The following GALNTL6 variants were observed in gnomAD, a reference collection of about 807,000 sequenced individuals.
GALNTL6 encodes polypeptide N-acetylgalactosaminyltransferase like 6.
Under a neutral mutation model 73.7 loss-of-function variants are expected in GALNTL6, and 46 were observed. That is an observed-to-expected ratio of 0.62 (90% CI 0.49 to 0.80). The LOEUF is 0.80. GALNTL6 is among the 30% of genes least tolerant of loss of function. The pLI, the probability that GALNTL6 is intolerant of heterozygous loss-of-function variation, is 0.00. For missense variants in GALNTL6, 604 were observed against 755.0 expected (o/e 0.80, Z 2.34); for synonymous variants, 259 against 263.7 (o/e 0.98, Z 0.17).
intron 5 of GALNTL6, among the ~76,000 whole-genome samples, chr4:172,493,654 C>T (rs1011762991): frequency 5.9e-5 from 9 of 152,168 alleles, no homozygotes; most frequent in African/African-American, 2.2e-4. Context: ...TCTCTAACCT[C>T]TTCTCAGAGG....
At chr4:172,040,307 A>T (rs1252709250) in intron 2 of GALNTL6, among the ~76,000 whole-genome samples, 2 of 152,126 alleles carry the variant, frequency 1.3e-5, no homozygotes, top group Non-Finnish European at 2.9e-5. Flanking sequence ...ATTTTTCTCA[A>T]CTATTCTAAT....
intron 5 of GALNTL6, among the ~76,000 whole-genome samples, chr4:172,645,372 T>C (rs1740191624): frequency 6.6e-6 from 1 of 152,048 alleles, no homozygotes; most frequent in African/African-American, 2.4e-5. Flanking sequence ...TTTTTGTATA[T>C]GGTATAAAGT....
chr4:172,860,354 G>A (rs989672174), intron 7 of GALNTL6, among the ~76,000 whole-genome samples: 2 of 152,124 alleles, frequency 1.3e-5, no homozygotes, highest in Non-Finnish European at 2.9e-5. Flanking sequence ...TAAGAAAATT[G>A]AGTGCAAGCA....
At chr4:172,175,944 A>G (rs1734975894) in intron 2 of GALNTL6, among the ~76,000 whole-genome samples, 1 of 152,184 alleles carries the variant, frequency 6.6e-6, no homozygotes, top group South Asian at 2.1e-4. Context: ...TACAGATGAT[A>G]TAAAAATCAA....
At chr4:172,108,822 A>G (rs1424694840) in intron 2 of GALNTL6, among the ~76,000 whole-genome samples, 1 of 151,688 alleles carries the variant, frequency 6.6e-6, no homozygotes, top group East Asian at 1.9e-4. Context: ...GACCAGCTTG[A>G]CCAACATTGT....
chr4:172,157,263 G>A (rs1236276393), intron 2 of GALNTL6, among the ~76,000 whole-genome samples: 3 of 152,164 alleles, frequency 2.0e-5, no homozygotes, highest in Non-Finnish European at 2.9e-5. Flanking sequence ...ACTATATCGA[G>A]TCTCAGAAGA....
chr4:171,889,310 TAAAC>T lies in GALNTL6; in HGVS notation c.138+74595_138+74598del, dbSNP rs143423038. On this transcript the variant is annotated intron_variant, in intron 2 of 12. Transcript: ENST00000506823. ...AAATAAATGGAATATATTTTGCTGATAAACAAGTCATAGTAAGCATTGCTTCAGT... is the reference window on the plus strand; with the variant it reads ...AAATAAATGGAATATATTTTGCTGATAAGTCATAGTAAGCATTGCTTCAGT... 2.2e-3 allele frequency among the ~76,000 whole-genome samples: 334 copies of T among 152,208 alleles called. 2 individuals are homozygous for T. The highest frequency in any genetic ancestry group is 7.8e-3 in the African/African-American group (325 of 41,574).
chr4:172,737,734 C>T (rs1736552728), intron 5 of GALNTL6, among the ~76,000 whole-genome samples: 1 of 151,588 alleles, frequency 6.6e-6, no homozygotes, highest in African/African-American at 2.4e-5. Context: ...CCAGTTGTCT[C>T]TGTCTAACTT....
intron 5 of GALNTL6, among the ~76,000 whole-genome samples, chr4:172,540,316 A>G (rs1414554101): frequency 1.3e-5 from 2 of 152,172 alleles, no homozygotes; most frequent in East Asian, 3.9e-4. Flanking sequence ...CTGGGATTTC[A>G]GGCATGAGCC....
chr4:172,143,103 T>C (rs1351381529), intron 2 of GALNTL6, among the ~76,000 whole-genome samples: 1 of 151,978 alleles, frequency 6.6e-6, no homozygotes, highest in Non-Finnish European at 1.5e-5. Flanking sequence ...AGCAAGAAAA[T>C]CAATCAAGTC....
At chr4:171,930,385 G>A (rs1220384595) in intron 2 of GALNTL6, among the ~76,000 whole-genome samples, 2 of 152,110 alleles carry the variant, frequency 1.3e-5, no homozygotes, top group South Asian at 2.1e-4. Context: ...CAGCCTATGC[G>A]CCACACTCAA....
intron 5 of GALNTL6, among the ~76,000 whole-genome samples, chr4:172,675,867 AT>A (rs1307008116): frequency 2.0e-5 from 3 of 152,228 alleles, no homozygotes; most frequent in Non-Finnish European, 4.4e-5. Context: ...GGTGTTTTGT[AT>A]CATTTCTGAA....
At chr4:172,284,651 G>A (rs1010351898) in intron 3 of GALNTL6, among the ~76,000 whole-genome samples, 3 of 152,110 alleles carry the variant, frequency 2.0e-5, no homozygotes, top group Non-Finnish European at 2.9e-5. Flanking sequence ...TCCATTTTGT[G>A]TTGATTTTTG....
intron 2 of GALNTL6, among the ~76,000 whole-genome samples, chr4:172,163,408 A>G (rs1734531442): frequency 6.6e-6 from 1 of 152,016 alleles, no homozygotes; most frequent in Admixed American, 6.6e-5. Context: ...CTGTAAATCA[A>G]AGTTTACCTT....
chr4:172,430,276 G>A (rs28714446), intron 5 of GALNTL6, among the ~76,000 whole-genome samples: 5 of 151,946 alleles, frequency 3.3e-5, no homozygotes, highest in African/African-American at 4.8e-5. Context: ...TGTGGAGAGG[G>A]GGGTAGGAGG....
At chr4:172,387,130 G>A (rs540106897) in intron 5 of GALNTL6, among the ~76,000 whole-genome samples, 264 of 152,190 alleles carry the variant, frequency 1.7e-3, no homozygotes, top group African/African-American at 6.0e-3. Context: ...ACCTCCCAAA[G>A]GGCCCACCTC....
chr4:172,660,785 A>G (rs1315853115), intron 5 of GALNTL6, among the ~76,000 whole-genome samples: 3 of 152,218 alleles, frequency 2.0e-5, no homozygotes, highest in African/African-American at 7.2e-5. Flanking sequence ...AAAGGCAGCT[A>G]TAGAGGAAGG....
intron 2 of GALNTL6, among the ~76,000 whole-genome samples, chr4:172,089,481 A>G (rs562952840): frequency 1.3e-5 from 2 of 152,140 alleles, no homozygotes; most frequent in Non-Finnish European, 2.9e-5. Flanking sequence ...GAAAAAGGCC[A>G]TTTTAATTTT....
intron 5 of GALNTL6, among the ~76,000 whole-genome samples, chr4:172,732,494 T>G (rs1272262158): frequency 6.6e-6 from 1 of 152,180 alleles, no homozygotes; most frequent in Non-Finnish European, 1.5e-5. Flanking sequence ...ACTCTATGCC[T>G]TTTAGTTGGA....
Sources: gnomAD v4.1 joint callset for allele counts (sites outside exome capture counted in the v4.1 genomes callset) on GRCh38, gnomAD v4.1.1 for gene constraint, MANE v1.5 for transcripts, NCBI Gene and HGNC (gene_info 2026-07-23, HGNC 2026-07-21) for gene names.